ADAMTS19: variants seen among roughly 807,000 people sequenced by gnomAD.
The protein encoded by ADAMTS19 is ADAM metallopeptidase with thrombospondin type 1 motif 19, also known as A disintegrin and metalloproteinase with thrombospondin motifs 19.
ADAMTS19 carries 93 observed loss-of-function variants against 153.3 expected under a neutral mutation model. The ratio of observed to expected loss-of-function variants is 0.61; its 90% CI spans 0.51 to 0.72. The LOEUF is 0.72. Among genes scored for constraint, ADAMTS19 ranks in the 30% least tolerant of loss-of-function variants. The probability of loss-of-function intolerance (pLI) is 0.00; values close to 1 mark genes in which losing one functional copy is unlikely to be tolerated. For missense variants in ADAMTS19, 1,482 were observed against 1,552.1 expected (o/e 0.95, Z 0.76); for synonymous variants, 600 against 556.6 (o/e 1.08, Z -1.10).
At chr5:129,613,769 C>T (rs1201669468) in intron 8 of ADAMTS19, among the ~76,000 whole-genome samples, 1 of 151,994 alleles carries the variant, frequency 6.6e-6, no homozygotes, top group African/African-American at 2.4e-5. Flanking sequence ...AAAAGATCAA[C>T]AAAATTGATA....
chr5:129,667,221 A>G (rs1754093330), intron 16 of ADAMTS19, among the ~76,000 whole-genome samples: 2 of 152,126 alleles, frequency 1.3e-5, no homozygotes. Flanking sequence ...CTCTTTTGTG[A>G]GGTCTTCAGC....
intron 10 of ADAMTS19, among the ~76,000 whole-genome samples, chr5:129,641,493 A>G (rs559053745): frequency 1.3e-5 from 2 of 152,314 alleles, no homozygotes; most frequent in South Asian, 4.1e-4. Flanking sequence ...AATTTATAAC[A>G]CAAAAACAAA....
intron 16 of ADAMTS19, among the ~76,000 whole-genome samples, chr5:129,678,316 T>C (rs952277942): frequency 3.3e-5 from 5 of 152,064 alleles, no homozygotes; most frequent in Admixed American, 2.6e-4. Flanking sequence ...TTCCCTTATT[T>C]CCCTTCACTA....
In ADAMTS19 at chr5:129,596,611, T is replaced by G. The variant is rs1241579119; in HGVS notation, c.1425T>G (p.Ala475=). The change falls in exon 8 of 23, where the codon GCT becomes GCG. Residue 475 remains alanine (A), a synonymous_variant. Transcript: ENST00000274487. ...MCSEKRKCII[A]EDNGLNLAFT... ...GTGAAAAGAGAAAATGTATTATTGC[T>G]GAAGACAATGGCTTGAATCTTGCTT... is the stretch of plus-strand genomic sequence containing the variant. The G allele has an allele frequency of 2.5e-6, 4 of 1,608,876 alleles. No homozygotes were observed. In the African/African-American group the frequency reaches 5.4e-5, roughly 22 times the overall value.
chr5:129,541,643 G>C (rs555135458), intron 6 of ADAMTS19, among the ~76,000 whole-genome samples: 2 of 151,916 alleles, frequency 1.3e-5, no homozygotes, highest in South Asian at 2.1e-4. Flanking sequence ...CCCTTACCAC[G>C]TTACAGAGGT....
At chr5:129,695,900 AC>A (rs1405981935) in intron 19 of ADAMTS19, among the ~76,000 whole-genome samples, 1 of 152,136 alleles carries the variant, frequency 6.6e-6, no homozygotes, top group Non-Finnish European at 1.5e-5. Flanking sequence ...GAATTAACAC[AC>A]CCTACAATTC....
intron 15 of ADAMTS19, among the ~76,000 whole-genome samples, chr5:129,659,530 T>C (rs1040536494): frequency 8.5e-5 from 13 of 152,194 alleles, no homozygotes; most frequent in African/African-American, 3.1e-4. Flanking sequence ...CCCTTAATAC[T>C]GGTATCTATT....
At chr5:129,490,501 A>G (rs1381276486) in intron 2 of ADAMTS19, among the ~76,000 whole-genome samples, 1 of 152,170 alleles carries the variant, frequency 6.6e-6, no homozygotes. Context: ...TTAATTTGTA[A>G]TATTGTGATA....
chr5:129,581,743 G>A (rs1013885149), intron 7 of ADAMTS19, among the ~76,000 whole-genome samples: 4 of 152,128 alleles, frequency 2.6e-5, no homozygotes, highest in African/African-American at 4.8e-5. Flanking sequence ...GACATTTAGC[G>A]CTATAAATTT....
intron 7 of ADAMTS19, among the ~76,000 whole-genome samples, chr5:129,591,596 G>A (rs1371646330): frequency 6.6e-6 from 1 of 151,642 alleles, no homozygotes; most frequent in Non-Finnish European, 1.5e-5. Context: ...CCCAGCCAAA[G>A]TCACACTCCC....
At position 129,461,780 on chromosome 5, in the gene ADAMTS19, T is replaced by A. The variant is rs1252029132; in HGVS notation, c.747+23T>A. ...CTGGTAAGCGCCTTCTTTCCCTAGC[T>A]CTCCATTTTCCCCTGCTGCTCCTCT... On this transcript the variant is annotated intron_variant, in intron 2 of 22. Transcript: ENST00000274487. The surrounding 1 kb of genome is among the most constrained non-coding windows in gnomAD (Gnocchi z 4.6). The A allele has an allele frequency of 1.4e-6, 2 of 1,474,298 alleles. No individual in the cohort carries two copies. The allele number at this position is 1,474,298 out of a possible 1,614,324, so 91.3% of individuals were successfully genotyped here. A position where few individuals can be genotyped will look rare whatever the true frequency, so the allele number is the denominator to read the frequency against.
rs74454295 is a variant in ADAMTS19 at position 129,530,997 on chromosome 5, T to TTA, written c.1328+2327_1328+2328dup. ...ATCAGTTTTCAAAAACCAATTATGT[T>TTA]TATATATACTGGAAGTGAACAATTG... On this transcript the variant is annotated intron_variant, in intron 6 of 22. Coordinates refer to ENST00000274487, the MANE Select transcript of ADAMTS19 (RefSeq NM_133638.6). Among the ~76,000 whole-genome samples, 10 of 152,082 alleles carry TTA rather than the reference T, an allele frequency of 6.6e-5. 1 individual carries two copies. Among genetic ancestry groups the TTA allele is most frequent in the Non-Finnish European group, 1.3e-4 (9 of 68,012 alleles).
At chr5:129,569,967 T>TA (rs1285800526) in intron 7 of ADAMTS19, among the ~76,000 whole-genome samples, 1 of 151,876 alleles carries the variant, frequency 6.6e-6, no homozygotes, top group African/African-American at 2.4e-5. Context: ...AAAGAAGTAG[T>TA]AAAAATAGGA....
At chr5:129,534,843 T>G (rs1006400771) in intron 6 of ADAMTS19, among the ~76,000 whole-genome samples, 6 of 152,192 alleles carry the variant, frequency 3.9e-5, no homozygotes, top group African/African-American at 4.8e-5. Flanking sequence ...TCTCAATAGA[T>G]GCAGAAAAGG....
intron 13 of ADAMTS19, among the ~76,000 whole-genome samples, chr5:129,653,624 G>A (rs1171746136): frequency 6.6e-6 from 1 of 152,154 alleles, no homozygotes; most frequent in African/African-American, 2.4e-5. Flanking sequence ...CAGCAGTTGC[G>A]CATAACTATG....
chr5:129,470,634 G>A (rs1750029973), intron 2 of ADAMTS19, among the ~76,000 whole-genome samples: 1 of 152,136 alleles, frequency 6.6e-6, no homozygotes, highest in South Asian at 2.1e-4. Flanking sequence ...ATTATTACAT[G>A]GTGGTGTTGG....
chr5:129,558,621 G>C (rs1360193852), intron 7 of ADAMTS19, among the ~76,000 whole-genome samples: 1 of 151,942 alleles, frequency 6.6e-6, no homozygotes, highest in Non-Finnish European at 1.5e-5. Flanking sequence ...ATTCTAACGA[G>C]AGTTTTGAAG....
At chr5:129,549,209 A>T (rs1015762644) in intron 6 of ADAMTS19, among the ~76,000 whole-genome samples, 1 of 150,536 alleles carries the variant, frequency 6.6e-6, no homozygotes, top group South Asian at 2.1e-4. Flanking sequence ...TAAATAAAAT[A>T]AAAAAAGAAA....
chr5:129,680,616 G>A (rs1305475729), intron 17 of ADAMTS19, among the ~76,000 whole-genome samples: 1 of 152,002 alleles, frequency 6.6e-6, no homozygotes, highest in Non-Finnish European at 1.5e-5. Flanking sequence ...AAAAAAATTA[G>A]CTGGGCATGG....
Sources: gnomAD v4.1 joint callset for allele counts (sites outside exome capture counted in the v4.1 genomes callset) on GRCh38, gnomAD v4.1.1 for gene constraint, Gnocchi (gnomAD v3.1) non-coding constraint, MANE v1.5 for transcripts, NCBI Gene and HGNC (gene_info 2026-07-23, HGNC 2026-07-21) for gene names.